The following DPP10 variants were observed in gnomAD, a reference collection of about 807,000 sequenced individuals.
DPP10 encodes inactive dipeptidyl peptidase 10.
Under a neutral mutation model 120.9 loss-of-function variants are expected in DPP10, and 33 were observed. The observed-to-expected ratio is 0.27, with a 90% CI of 0.21 to 0.37. The LOEUF (loss-of-function observed/expected upper bound fraction) is 0.37. Ranked by LOEUF, DPP10 falls within the 10% of genes least tolerant of loss-of-function variation. The pLI is 1.00. For missense variants in DPP10, 816 were observed against 942.8 expected (o/e 0.87, Z 1.76); for synonymous variants, 337 against 326.1 (o/e 1.03, Z -0.36).
intron 1 of DPP10, among the ~76,000 whole-genome samples, chr2:114,576,976 G>A (rs1468348955): frequency 6.6e-6 from 1 of 152,072 alleles, no homozygotes; most frequent in Non-Finnish European, 1.5e-5. Context: ...AATGGGTACG[G>A]CATGGTAAAA....
intron 25 of DPP10, among the ~76,000 whole-genome samples, chr2:115,841,355 A>G (rs558433161): frequency 7.4e-4 from 112 of 152,310 alleles, no homozygotes; most frequent in Non-Finnish European, 1.3e-3. Context: ...TACATTTAAT[A>G]TATATTTATC....
intron 1 of DPP10, among the ~76,000 whole-genome samples, chr2:115,009,988 A>G (rs1359723184): frequency 6.6e-6 from 1 of 152,152 alleles, no homozygotes; most frequent in Non-Finnish European, 1.5e-5. Flanking sequence ...TTTGGCATCT[A>G]CTTCTTCATT....
chr2:114,523,933 G>A (rs571958530), intron 1 of DPP10, among the ~76,000 whole-genome samples: 16 of 152,222 alleles, frequency 1.1e-4, no homozygotes, highest in South Asian at 2.1e-4. Context: ...TGGTAATATC[G>A]AAATGAAAAG....
Position 115,641,956 on chromosome 2 carries a change from G to A in DPP10, c.442-47731G>A, listed in dbSNP as rs115714537. Among the ~76,000 whole-genome samples, 1,422 of 152,274 alleles carry A rather than the reference G, an allele frequency of 9.3e-3. 20 individuals carry two copies. Among genetic ancestry groups the A allele is most frequent in the African/African-American group, 0.031 (1,295 of 41,558 alleles). Reference sequence around the variant, plus strand: ...AACCAACTTCTGCCTTAAGCAGAAAGCTCATGCAGAATTTAAAGCGATTAT... The same window carrying A: ...AACCAACTTCTGCCTTAAGCAGAAAACTCATGCAGAATTTAAAGCGATTAT... On this transcript the variant is annotated intron_variant, in intron 5 of 25. Coordinates refer to ENST00000410059, the MANE Select transcript of DPP10 (RefSeq NM_020868.6).
intron 2 of DPP10, among the ~76,000 whole-genome samples, chr2:115,339,091 C>G (rs2063311604): frequency 1.3e-5 from 2 of 152,140 alleles, no homozygotes; most frequent in Admixed American, 6.5e-5. Context: ...ACGAAGAACT[C>G]ATCAAATGCA....
At chr2:115,062,086 TGA>T (rs1706455003) in intron 1 of DPP10, among the ~76,000 whole-genome samples, 1 of 151,800 alleles carries the variant, frequency 6.6e-6, no homozygotes, top group Non-Finnish European at 1.5e-5. Flanking sequence ...TATTATTTCA[TGA>T]GTGTTGGAAA....
intron 1 of DPP10, among the ~76,000 whole-genome samples, chr2:114,517,841 G>A (rs912513459): frequency 3.4e-4 from 51 of 152,156 alleles, no homozygotes; most frequent in Non-Finnish European, 5.9e-4. Context: ...AATGGTGAGT[G>A]CCAAGATGAA....
At chr2:115,551,176 G>A (rs1404976547) in intron 5 of DPP10, among the ~76,000 whole-genome samples, 2 of 152,088 alleles carry the variant, frequency 1.3e-5, no homozygotes, top group African/African-American at 2.4e-5. Context: ...TCACTTGCTT[G>A]TAGTACCTGT....
intron 1 of DPP10, among the ~76,000 whole-genome samples, chr2:114,963,205 C>T (rs1343532440): frequency 6.6e-6 from 1 of 152,136 alleles, no homozygotes; most frequent in Non-Finnish European, 1.5e-5. Flanking sequence ...GGCCATATTG[C>T]TGTATGTGAA....
intron 2 of DPP10, among the ~76,000 whole-genome samples, chr2:115,334,391 T>C (rs1371603954): frequency 6.6e-6 from 1 of 151,654 alleles, no homozygotes; most frequent in Non-Finnish European, 1.5e-5. Context: ...TATTTGACTT[T>C]TCCTTTTTGG....
At chr2:115,529,748 A>C (rs527564963) in intron 5 of DPP10, among the ~76,000 whole-genome samples, 1 of 152,056 alleles carries the variant, frequency 6.6e-6, no homozygotes, top group Non-Finnish European at 1.5e-5. Flanking sequence ...CTAGAAGAAC[A>C]ATTTTTACTA....
chr2:114,678,553 A>G (rs188095142), intron 1 of DPP10, among the ~76,000 whole-genome samples: 145 of 151,910 alleles, frequency 9.5e-4, no homozygotes, highest in African/African-American at 3.1e-3. Context: ...CTCTGCCTTT[A>G]TTTTATTTCT....
chr2:114,583,942 T>A (rs1245231570), intron 1 of DPP10, among the ~76,000 whole-genome samples: 1 of 152,174 alleles, frequency 6.6e-6, no homozygotes, highest in African/African-American at 2.4e-5. Context: ...CACTATAAAA[T>A]ATTTTTGAAG....
intron 13 of DPP10, among the ~76,000 whole-genome samples, chr2:115,769,938 T>C (rs1681252283): frequency 1.4e-5 from 2 of 138,460 alleles, no homozygotes; most frequent in South Asian, 4.8e-4. Flanking sequence ...CAGTATTTTA[T>C]ATTCTAGAAG....
chr2:115,212,493 G>A (rs1011483016), intron 1 of DPP10, among the ~76,000 whole-genome samples: 4 of 152,082 alleles, frequency 2.6e-5, no homozygotes, highest in Non-Finnish European at 1.5e-5. Flanking sequence ...CATCTGAAAA[G>A]TCCATGCTGG....
At chr2:114,469,626 G>T (rs550177153) in intron 1 of DPP10, among the ~76,000 whole-genome samples, 12 of 152,246 alleles carry the variant, frequency 7.9e-5, no homozygotes, top group African/African-American at 2.6e-4. Context: ...TAGTCAGGAG[G>T]CTGAGGCAGG....
chr2:115,262,928 C>G (rs1373055803), intron 1 of DPP10, among the ~76,000 whole-genome samples: 2 of 152,046 alleles, frequency 1.3e-5, no homozygotes, highest in Admixed American at 1.3e-4. Flanking sequence ...ATGGTACTTG[C>G]AGTGGAAGAA....
At chr2:115,769,618 A>C (rs531449828) in intron 13 of DPP10, among the ~76,000 whole-genome samples, 1 of 151,976 alleles carries the variant, frequency 6.6e-6, no homozygotes, top group Non-Finnish European at 1.5e-5. Context: ...CTAATGTATA[A>C]TGTGATCCTA....
chr2:115,074,842 C>A (rs752827688), intron 1 of DPP10, among the ~76,000 whole-genome samples: 11 of 152,162 alleles, frequency 7.2e-5, no homozygotes, highest in Non-Finnish European at 1.5e-4. Context: ...GAAAGAGAAG[C>A]TTATATGTGA....
Sources: gnomAD v4.1 joint callset for allele counts (sites outside exome capture counted in the v4.1 genomes callset) on GRCh38, gnomAD v4.1.1 for gene constraint, MANE v1.5 for transcripts, NCBI Gene and HGNC (gene_info 2026-07-23, HGNC 2026-07-21) for gene names.